Variants in COPG2 observed in about 807,000 individuals in gnomAD.
COPG2 encodes the protein coatomer subunit gamma-2.
Under a neutral mutation model 46.3 loss-of-function variants are expected in COPG2, and 37 were observed. That is an observed-to-expected ratio of 0.80 (90% CI 0.61 to 1.05). COPG2 has a LOEUF of 1.05. COPG2 is among the 50% of genes least tolerant of loss of function. The pLI, the probability that COPG2 is intolerant of heterozygous loss-of-function variation, is 0.00. For missense variants in COPG2, 427 were observed against 387.8 expected (o/e 1.10, Z -0.85); for synonymous variants, 159 against 129.7 (o/e 1.23, Z -1.53).
rs1799656591 is a variant in COPG2, at chr7:130,514,239, C to T, written c.2150-5580G>A. ...ATTAAGATGAGCCCTAATAGGGCAG[C>T]ACTTAAAGACACCAGGATAGATCTT... is the stretch of plus-strand genomic sequence containing the variant. On this transcript the variant is annotated intron_variant, in intron 20 of 23. Coordinates refer to ENST00000425248, the MANE Select transcript of COPG2 (RefSeq NM_012133.6). Among the ~76,000 whole-genome samples the T allele has an allele frequency of 1.3e-5, 2 of 152,316 alleles. 1 individual carries two copies. Among genetic ancestry groups the T allele is most frequent in the South Asian group, 4.1e-4 (2 of 4,830 alleles).
intron 17 of COPG2, 54 bp downstream of exon 17, chr7:130,550,470 A>G (rs993272102): frequency 1.1e-5 from 4 of 371,336 alleles, no homozygotes; most frequent in African/African-American, 8.5e-5. Flanking sequence ...AAATATGCTA[A>G]TATTTTTTAG....
intron 20 of COPG2, among the ~76,000 whole-genome samples, chr7:130,540,343 C>T (rs974721716): frequency 6.6e-6 from 1 of 151,804 alleles, no homozygotes; most frequent in African/African-American, 2.4e-5. Context: ...TAGGAAACAA[C>T]TGAGAACTCG....
intron 5 of COPG2, among the ~76,000 whole-genome samples, chr7:130,628,611 G>A (rs1309166178): frequency 1.3e-5 from 2 of 152,244 alleles, no homozygotes; most frequent in African/African-American, 4.8e-5. Flanking sequence ...ATGTGATTTT[G>A]CCCTGGCTTG....
At chr7:130,536,535 G>C (rs887434653) in intron 20 of COPG2, among the ~76,000 whole-genome samples, 2 of 152,230 alleles carry the variant, frequency 1.3e-5, no homozygotes. Context: ...CAGCCCAAAA[G>C]ATGCTTCTGA....
chr7:130,643,682 G>C (rs2129906), intron 5 of COPG2, among the ~76,000 whole-genome samples: 2 of 152,080 alleles, frequency 1.3e-5, no homozygotes, highest in African/African-American at 4.8e-5. Context: ...AACAAGCTAC[G>C]CATCGTGGTT....
intron 1 of COPG2, 130 bp downstream of exon 1, chr7:130,668,502 G>A: frequency 2.8e-6 from 2 of 714,410 alleles, no homozygotes; most frequent in Non-Finnish European, 4.0e-6. Flanking sequence ...GGGAGGGGCC[G>A]GCTCCAGCTC....
At chr7:130,525,886 T>C (rs1799769497) in intron 20 of COPG2, among the ~76,000 whole-genome samples, 3 of 151,828 alleles carry the variant, frequency 2.0e-5, no homozygotes, top group South Asian at 2.1e-4. Flanking sequence ...GTGGGACCTA[T>C]GTAAGAAGGT....
intron 20 of COPG2, among the ~76,000 whole-genome samples, chr7:130,540,831 C>T (rs1487145934): frequency 2.0e-5 from 3 of 152,048 alleles, no homozygotes; most frequent in African/African-American, 7.2e-5. Context: ...GGAGGGAGGT[C>T]TCTGGACATG....
At position 130,564,270 on chromosome 7, in the gene COPG2, A is replaced by T. The variant is rs1271334938; in HGVS notation, c.861T>A (p.Pro287=). 1 of 398,502 alleles carries T rather than the reference A, an allele frequency of 2.5e-6. No homozygotes were observed. The highest frequency in any genetic ancestry group is 4.4e-6 in the Non-Finnish European group (1 of 226,062). 24.7% of individuals were successfully genotyped at this position (398,502 alleles called of 1,614,324 possible). A position where few individuals can be genotyped will look rare whatever the true frequency, so the allele number is the denominator to read the frequency against. The stretch of plus-strand genomic sequence containing the variant: ...AAATATAAAACAAACCTGAAACAGC[A>T]GGTGCCAACTCTCTTGCAGTGCAGT... ...LPNCTARELA[P]AVSVLQLFCS... Residue 287 remains proline, a synonymous_variant, in exon 10 of 24, where the codon CCT becomes CCA. Coordinates refer to ENST00000425248, the MANE Select transcript of COPG2 (RefSeq NM_012133.6).
chr7:130,590,660 C>T (rs1554448669), intron 9 of COPG2, among the ~76,000 whole-genome samples: 2 of 152,076 alleles, frequency 1.3e-5, no homozygotes, highest in Non-Finnish European at 2.9e-5. Flanking sequence ...GAGATTGCAG[C>T]CTCTGCCCGG....
chr7:130,531,715 T>G (rs932071930), intron 20 of COPG2, among the ~76,000 whole-genome samples: 9 of 151,498 alleles, frequency 5.9e-5, no homozygotes, highest in African/African-American at 9.7e-5. Context: ...GATATTTGAT[T>G]AAGAAGTTAA....
At chr7:130,649,167 A>G (rs570793432) in intron 5 of COPG2, among the ~76,000 whole-genome samples, 1 of 152,246 alleles carries the variant, frequency 6.6e-6, no homozygotes, top group South Asian at 2.1e-4. Flanking sequence ...TGATCTCTTC[A>G]GTGTTTTGTG....
intron 20 of COPG2, among the ~76,000 whole-genome samples, chr7:130,542,385 C>G (rs1483234650): frequency 6.6e-6 from 1 of 151,874 alleles, no homozygotes; most frequent in Non-Finnish European, 1.5e-5. Context: ...GAGGACACAA[C>G]AGAGAGAGGA....
intron 20 of COPG2, among the ~76,000 whole-genome samples, chr7:130,534,029 A>G (rs1180560236): frequency 1.3e-5 from 2 of 151,862 alleles, no homozygotes; most frequent in Non-Finnish European, 2.9e-5. Flanking sequence ...AGGAACCAAC[A>G]TGGAAAACAG....
chr7:130,526,642 G>A (rs924400538), intron 20 of COPG2, among the ~76,000 whole-genome samples: 203 of 151,804 alleles, frequency 1.3e-3, no homozygotes, highest in Non-Finnish European at 2.5e-3. Context: ...AGGTCCCAGA[G>A]TAGGAACAAA....
Position 130,508,620 on chromosome 7 carries a change from C to A in COPG2, c.2189G>T (p.Arg730Leu), listed in dbSNP as rs782258897. The A allele has an allele frequency of 3.9e-6, 3 of 774,948 alleles. No homozygotes were observed. Among genetic ancestry groups the A allele is most frequent in the Non-Finnish European group, 7.2e-6 (3 of 415,558 alleles). 48.0% of individuals were successfully genotyped at this position (774,948 alleles called of 1,614,324 possible). Reference sequence around the variant, plus strand: ...AACTCCAGTGTTAGGGTCACAGTCCCGGACTGTAAACTTCATGGTGCAGCT... The same window carrying A: ...AACTCCAGTGTTAGGGTCACAGTCCAGGACTGTAAACTTCATGGTGCAGCT... ...SFSCTMKFTV[R>L]DCDPNTGVPD... Residue 730 changes from arginine (R) to leucine (L), a missense_variant, in exon 21 of 24, where the codon CGG becomes CTG. Physicochemically the swap from Arg to Leu is moderately radical, Grantham distance 102. Coordinates refer to ENST00000425248, the MANE Select transcript of COPG2 (RefSeq NM_012133.6).
chr7:130,534,563 G>C (rs904919835), intron 20 of COPG2, among the ~76,000 whole-genome samples: 22 of 152,138 alleles, frequency 1.4e-4, no homozygotes, highest in Non-Finnish European at 2.5e-4. Context: ...GGAAAAGTAG[G>C]TCGGTAGCAA....
At chr7:130,578,226 C>G (rs532961965) in intron 9 of COPG2, among the ~76,000 whole-genome samples, 8 of 148,392 alleles carry the variant, frequency 5.4e-5, no homozygotes, top group Non-Finnish European at 8.9e-5. Context: ...AGGCACCCCC[C>G]AGCAGGGGCA....
intron 20 of COPG2, among the ~76,000 whole-genome samples, chr7:130,543,871 A>AAAG (rs1793383424): frequency 6.6e-6 from 1 of 152,176 alleles, no homozygotes; most frequent in Non-Finnish European, 1.5e-5. Flanking sequence ...AATAGGTTAG[A>AAAG]AAGATGGCTT....
Sources: gnomAD v4.1 joint callset for allele counts (sites outside exome capture counted in the v4.1 genomes callset) on GRCh38, gnomAD v4.1.1 for gene constraint, MANE v1.5 for transcripts, NCBI Gene and HGNC (gene_info 2026-07-23, HGNC 2026-07-21) for gene names.